BAZ2B: variants seen among roughly 807,000 people sequenced by gnomAD.
BAZ2B encodes the protein bromodomain adjacent to zinc finger domain 2B, also known as bromodomain adjacent to zinc finger domain protein 2B.
BAZ2B carries 91 observed loss-of-function variants against 246.0 expected under a neutral mutation model. The ratio of observed to expected loss-of-function variants is 0.37; its 90% CI spans 0.31 to 0.44. BAZ2B has a LOEUF of 0.44. Ranked by LOEUF, BAZ2B falls within the 20% of genes least tolerant of loss-of-function variation. The probability of loss-of-function intolerance (pLI) is 1.00; values close to 1 mark genes in which losing one functional copy is unlikely to be tolerated. For synonymous variants in BAZ2B, 855 were observed against 860.0 expected (o/e 0.99, Z 0.10); for missense variants, 2,332 against 2,533.7 (o/e 0.92, Z 1.71).
At chr2:159,338,808 AT>A (rs2148991451) in intron 31 of BAZ2B, among the ~76,000 whole-genome samples, 1 of 152,164 alleles carries the variant, frequency 6.6e-6, no homozygotes, top group South Asian at 2.1e-4. Context: ...CTTAAGTTCC[AT>A]TTCAACTTCT....
intron 1 of BAZ2B, among the ~76,000 whole-genome samples, chr2:159,574,453 G>A (rs1190110293): frequency 2.0e-5 from 3 of 152,112 alleles, no homozygotes; most frequent in African/African-American, 7.2e-5. Context: ...AGCCACTTTA[G>A]AAAACATTTT....
chr2:159,438,683 C>A lies in BAZ2B; in HGVS notation c.913G>T (p.Gly305Cys). 6.3e-7 allele frequency: 1 copy of A among 1,597,412 alleles called. No individual in the cohort carries two copies. The highest frequency in any genetic ancestry group is 8.5e-7 in the Non-Finnish European group (1 of 1,175,342). The change falls in exon 8 of 37, where the codon GGT (glycine) becomes TGT (cysteine). Residue 305 changes from glycine (G) to cysteine (C), a missense_variant. Physicochemically the swap from Gly to Cys is radical, Grantham distance 159. Transcript: ENST00000392783. ...CCATCTGCTTTTGGGTCTGAAATAC[C>A]ATGTAATAGCACCTAGATATAAAAA... ...HKSNNQVLLH[G>C]ISDPKADGQK...
chr2:159,428,568 C>A (rs2070435978), intron 11 of BAZ2B, 149 bp from the exon 12 acceptor site: 3 of 507,010 alleles, frequency 5.9e-6, no homozygotes, highest in Non-Finnish European at 1.0e-5. Flanking sequence ...TACATTAACT[C>A]TCAAAATTAT....
At chr2:159,661,564 T>C in the BAZ2B span, among the ~76,000 whole-genome samples, 1 of 152,176 alleles carries the variant, frequency 6.6e-6, no homozygotes, top group Non-Finnish European at 1.5e-5. Context: ...TTCCCACACA[T>C]AGGGTTCTAA....
At chr2:159,362,231 A>G (rs915049146) in intron 27 of BAZ2B, among the ~76,000 whole-genome samples, 1 of 152,094 alleles carries the variant, frequency 6.6e-6, no homozygotes, top group Non-Finnish European at 1.5e-5. Context: ...CTTCCCTGAG[A>G]GGCAGCAGCA....
At chr2:159,389,509 A>G in intron 20 of BAZ2B, 24 bp from the exon 21 acceptor site, 1 of 1,551,720 alleles carries the variant, frequency 6.4e-7, no homozygotes, top group South Asian at 1.2e-5. Flanking sequence ...CCATGTACAC[A>G]TATTCTTCTT....
intron 2 of BAZ2B, among the ~76,000 whole-genome samples, chr2:159,520,547 T>C (rs2084017599): frequency 6.6e-6 from 1 of 152,194 alleles, no homozygotes. Context: ...TAGCAAATAC[T>C]CTAAATACAA....
At chr2:159,398,983 C>T (rs2064509190) in intron 17 of BAZ2B, 89 bp from the exon 18 acceptor site, 2 of 1,250,826 alleles carry the variant, frequency 1.6e-6, no homozygotes, top group African/African-American at 1.5e-5. Context: ...CTACATGTCT[C>T]ACAAGGTACG....
chr2:159,456,944 T>C (rs963779969), intron 3 of BAZ2B, among the ~76,000 whole-genome samples: 3 of 152,224 alleles, frequency 2.0e-5, no homozygotes, highest in African/African-American at 7.2e-5. Context: ...ACAATTTTAC[T>C]ATATTTTGCC....
intron 1 of BAZ2B, among the ~76,000 whole-genome samples, chr2:159,572,966 T>A (rs1167924776): frequency 6.6e-6 from 1 of 152,122 alleles, no homozygotes; most frequent in Non-Finnish European, 1.5e-5. Context: ...GCTTAGAAGA[T>A]GAGAAGTGCT....
intron 35 of BAZ2B, 52 bp downstream of exon 35, chr2:159,325,601 C>G (rs964605272): frequency 6.5e-7 from 1 of 1,531,276 alleles, no homozygotes; most frequent in African/African-American, 1.4e-5. Context: ...GGTTTCTAAA[C>G]AAATAAAATG....
At chr2:159,661,194 T>C in the BAZ2B span, among the ~76,000 whole-genome samples, 115 of 152,348 alleles carry the variant, frequency 7.5e-4, 2 homozygotes, top group African/African-American at 2.6e-3. Flanking sequence ...TCATATAGTA[T>C]GTATTCCCTT....
At chr2:159,486,883 T>G (rs540262317) in intron 2 of BAZ2B, among the ~76,000 whole-genome samples, 2 of 152,200 alleles carry the variant, frequency 1.3e-5, no homozygotes, top group Admixed American at 1.3e-4. Context: ...GCTAATATGT[T>G]AAATATAAAG....
the BAZ2B span, among the ~76,000 whole-genome samples, chr2:159,678,083 C>T: frequency 2.0e-5 from 3 of 152,120 alleles, no homozygotes; most frequent in East Asian, 1.9e-4. Flanking sequence ...ATGGCAGAGA[C>T]TATGTGAAGC....
intron 2 of BAZ2B, among the ~76,000 whole-genome samples, chr2:159,532,740 C>T (rs1053320201): frequency 7.9e-5 from 12 of 152,138 alleles, no homozygotes; most frequent in African/African-American, 2.9e-4. Flanking sequence ...CTGGCACTCT[C>T]TGATAAAAGG....
intron 3 of BAZ2B, among the ~76,000 whole-genome samples, chr2:159,467,260 C>G (rs533593191): frequency 5.3e-4 from 81 of 152,238 alleles, no homozygotes; most frequent in Non-Finnish European, 1.0e-3. Flanking sequence ...TACAAAATAT[C>G]CAGCTCGATA....
chr2:159,631,647 T>C, the BAZ2B span, among the ~76,000 whole-genome samples: 5 of 152,374 alleles, frequency 3.3e-5, no homozygotes, highest in African/African-American at 9.6e-5. Flanking sequence ...ACAATTTGAA[T>C]GTTAACAATA....
At chr2:159,325,517 A>AT in intron 35 of BAZ2B, 136 bp downstream of exon 35, 1 of 941,174 alleles carries the variant, frequency 1.1e-6, no homozygotes. Flanking sequence ...TTACTTATAT[A>AT]TTTTCTTAAC....
At chr2:159,675,395 C>T in the BAZ2B span, among the ~76,000 whole-genome samples, 1 of 151,724 alleles carries the variant, frequency 6.6e-6, no homozygotes. Context: ...AATTTGTATA[C>T]ATCAGTGAAG....
Sources: gnomAD v4.1 joint callset for allele counts (sites outside exome capture counted in the v4.1 genomes callset) on GRCh38, gnomAD v4.1.1 for gene constraint, MANE v1.5 for transcripts, NCBI Gene and HGNC (gene_info 2026-07-23, HGNC 2026-07-21) for gene names.